The following SHTN1 variants were observed in gnomAD, a reference collection of about 807,000 sequenced individuals.
SHTN1 encodes the protein shootin 1.
Under a neutral mutation model 83.1 loss-of-function variants are expected in SHTN1, and 42 were observed. The observed-to-expected ratio is 0.51, with a 90% CI of 0.39 to 0.65. The LOEUF (loss-of-function observed/expected upper bound fraction) is 0.65, where lower values mean the gene tolerates loss of function less well. Ranked by LOEUF, SHTN1 falls within the 30% of genes least tolerant of loss-of-function variation. The probability of loss-of-function intolerance (pLI) is 0.00; values close to 1 mark genes in which losing one functional copy is unlikely to be tolerated. For synonymous variants in SHTN1, 224 were observed against 247.7 expected, an observed-to-expected ratio of 0.90 and a Z score of 0.90; for missense variants, 622 against 737.8, an observed-to-expected ratio of 0.84 and a Z score of 1.82.
chr10:117,074,410 C>T (rs1853125557), intron 1 of SHTN1, among the ~76,000 whole-genome samples: 1 of 152,164 alleles, frequency 6.6e-6, no homozygotes, highest in Non-Finnish European at 1.5e-5. Context: ...GTAAGAGATC[C>T]AGCAGAGATC....
At chr10:117,094,486 C>T (rs1853479314) in intron 1 of SHTN1, among the ~76,000 whole-genome samples, 1 of 152,100 alleles carries the variant, frequency 6.6e-6, no homozygotes, top group South Asian at 2.1e-4. Context: ...CAGGGGTAGC[C>T]TTGTAATTTG....
chr10:117,057,093 A>G (rs1852835348), intron 1 of SHTN1, among the ~76,000 whole-genome samples: 1 of 152,234 alleles, frequency 6.6e-6, no homozygotes, highest in African/African-American at 2.4e-5. Flanking sequence ...TTTGCAGAGA[A>G]CATGACTGTT....
At chr10:116,971,826 C>T (rs1278415508) in intron 2 of SHTN1, among the ~76,000 whole-genome samples, 1 of 152,170 alleles carries the variant, frequency 6.6e-6, no homozygotes. Context: ...CTTAATGTCA[C>T]TTGGTTCCCT....
intron 1 of SHTN1, among the ~76,000 whole-genome samples, chr10:117,076,414 T>C (rs1853154657): frequency 6.6e-6 from 1 of 152,176 alleles, no homozygotes; most frequent in Non-Finnish European, 1.5e-5. Flanking sequence ...TAGGAGTTCA[T>C]TGCAAAGACC....
rs56690672 is a variant in SHTN1, at chr10:116,994,209, TGAGGA to T, written c.58+10808_58+10812del. 2.3e-3 allele frequency among the ~76,000 whole-genome samples: 345 copies of T among 152,218 alleles called. 1 individual carries two copies. Among genetic ancestry groups the T allele is most frequent in the African/African-American group, 8.1e-3 (335 of 41,566 alleles). ...GCAAGATATGAGGATCTGTTTTTAT[TGAGGA>T]AAGGAGTGATTTTGTCTAAGTAGAT... is the stretch of plus-strand genomic sequence containing the variant. On this transcript the variant is annotated intron_variant, in intron 1 of 16. Transcript: ENST00000355371.
At chr10:116,989,355 A>G (rs1439771508) in intron 1 of SHTN1, among the ~76,000 whole-genome samples, 1 of 152,194 alleles carries the variant, frequency 6.6e-6, no homozygotes, top group African/African-American at 2.4e-5. Flanking sequence ...ATACCACATT[A>G]CATTTAGCTA....
chr10:117,120,350 C>T (rs1022928986), intron 1 of SHTN1, among the ~76,000 whole-genome samples: 17 of 151,048 alleles, frequency 1.1e-4, no homozygotes, highest in African/African-American at 3.9e-4. Flanking sequence ...TGGGTTCAAG[C>T]GATTCTCCTG....
intron 1 of SHTN1, among the ~76,000 whole-genome samples, chr10:116,980,763 G>GAA (rs1850986543): frequency 6.6e-6 from 1 of 152,144 alleles, no homozygotes; most frequent in Non-Finnish European, 1.5e-5. Flanking sequence ...ACATGGTAAA[G>GAA]CACATGCCTT....
intron 2 of SHTN1, among the ~76,000 whole-genome samples, chr10:117,043,233 G>A (rs7077155): frequency 0.89 from 134,435 of 151,758 alleles, 60,869 homozygotes; most frequent in Non-Finnish European, 0.98. Flanking sequence ...TCCCAGGTTC[G>A]CGCCATTCTC....
chr10:116,892,676 C>A (rs528856765), intron 16 of SHTN1, among the ~76,000 whole-genome samples: 1 of 151,936 alleles, frequency 6.6e-6, no homozygotes, highest in Non-Finnish European at 1.5e-5. Flanking sequence ...CTTTTAAGAT[C>A]GAAAGTCACA....
intron 1 of SHTN1, among the ~76,000 whole-genome samples, chr10:116,988,186 A>G (rs1444476301): frequency 6.6e-6 from 1 of 152,124 alleles, no homozygotes; most frequent in Non-Finnish European, 1.5e-5. Flanking sequence ...CAAGATGTTA[A>G]TAATAGTAGA....
chr10:117,002,609 T>C (rs3981233), intron 1 of SHTN1, among the ~76,000 whole-genome samples: 145,978 of 152,240 alleles, frequency 0.96, 70,288 homozygotes, highest in Non-Finnish European at 1. Context: ...TGTTAAATGC[T>C]CAAAGACCCA....
rs555092759 is a variant in SHTN1, at chr10:116,919,704, C to T, written c.1195+1730G>A. On this transcript the variant is annotated intron_variant, in intron 12 of 16. Coordinates refer to ENST00000355371, the MANE Select transcript of SHTN1 (RefSeq NM_001127211.3). ...TTACAGCATCAGGAAACGCTAATAG[C>T]CAGTAACCAAAGAGCAGGGCCACCC... Among the ~76,000 whole-genome samples, 3 of 152,202 alleles carry T rather than the reference C, an allele frequency of 2.0e-5. No homozygotes were observed. In the South Asian group the frequency reaches 6.2e-4, roughly 32 times the overall value.
At chr10:117,018,919 C>T (rs1047748676) in intron 2 of SHTN1, among the ~76,000 whole-genome samples, 8 of 151,872 alleles carry the variant, frequency 5.3e-5, no homozygotes, top group African/African-American at 1.9e-4. Flanking sequence ...CTAGCCAGTA[C>T]AGTAAGGAAG....
chr10:116,975,927 A>G (rs1850790771), intron 2 of SHTN1, among the ~76,000 whole-genome samples: 1 of 152,244 alleles, frequency 6.6e-6, no homozygotes, highest in South Asian at 2.1e-4. Flanking sequence ...AATGACCCAG[A>G]AAAGGATCGG....
In SHTN1 at chr10:116,999,590, T is replaced by A. The variant is rs189482031; in HGVS notation, c.58+5432A>T. Among the ~76,000 whole-genome samples the A allele has an allele frequency of 2.0e-3, 304 of 152,364 alleles. 2 individuals carry two copies. Among genetic ancestry groups the A allele is most frequent in the African/African-American group, 6.6e-3 (273 of 41,590 alleles). On this transcript the variant is annotated intron_variant, in intron 1 of 16. Coordinates refer to ENST00000355371, the MANE Select transcript of SHTN1 (RefSeq NM_001127211.3). ...TTTCACTTTACACACTTGTTTTCTA[T>A]GAGCATGTGTTTATTTTTGCATTTA...
chr10:116,975,855 T>C (rs1850787087), intron 2 of SHTN1, among the ~76,000 whole-genome samples: 1 of 152,134 alleles, frequency 6.6e-6, no homozygotes, highest in East Asian at 1.9e-4. Flanking sequence ...TGACATAAGA[T>C]TGATTTGATA....
rs576912164 is a variant in SHTN1 at position 116,884,441 on chromosome 10, T to C, written c.*1903A>G. 6.7e-5 allele frequency: 24 copies of C among 356,586 alleles called. No homozygotes were observed. The highest frequency in any genetic ancestry group is 4.2e-4 in the African/African-American group (20 of 47,072). 22.1% of individuals were successfully genotyped at this position (356,586 alleles called of 1,614,324 possible). ...AAAAAAGGCAGGAATACTTTCAAAA[T>C]ACCTGTTACTAATTGTTCCCTAGTC... On this transcript the variant is annotated 3_prime_UTR_variant, in exon 17 of 17. Transcript: ENST00000355371.
chr10:117,105,747 G>A (rs531033399), intron 1 of SHTN1, among the ~76,000 whole-genome samples: 5 of 152,322 alleles, frequency 3.3e-5, no homozygotes, highest in Non-Finnish European at 7.4e-5. Context: ...GCCCGACATG[G>A]TGGCTCACAT....
Sources: gnomAD v4.1 joint callset for allele counts (sites outside exome capture counted in the v4.1 genomes callset) on GRCh38, gnomAD v4.1.1 for gene constraint, MANE v1.5 for transcripts, NCBI Gene and HGNC (gene_info 2026-07-23, HGNC 2026-07-21) for gene names.